NFIL3: variants seen among roughly 807,000 people sequenced by gnomAD.
The protein encoded by NFIL3 is nuclear factor interleukin-3-regulated protein.
A neutral mutation model predicts 10.0 loss-of-function variants in NFIL3; 5 were observed. The observed-to-expected ratio is 0.50, with a 90% CI of 0.26 to 1.06. The LOEUF (loss-of-function observed/expected upper bound fraction) is 1.06. Among genes scored for constraint, NFIL3 ranks in the 50% least tolerant of loss-of-function variants. The pLI, the probability that NFIL3 is intolerant of heterozygous loss-of-function variation, is 0.13. For missense variants in NFIL3, 436 were observed against 547.6 expected, an observed-to-expected ratio of 0.80 and a Z score of 2.03; for synonymous variants, 202 against 206.5, an observed-to-expected ratio of 0.98 and a Z score of 0.19.
At chr9:91,452,787 CAAA>C in the NFIL3 span, among the ~76,000 whole-genome samples, 1 of 59,874 alleles carries the variant, frequency 1.7e-5, no homozygotes. Context: ...AACTCTGTCT[CAAA>C]AAAAAAAAAA....
the NFIL3 span, among the ~76,000 whole-genome samples, chr9:91,453,753 A>C: frequency 6.6e-6 from 1 of 152,126 alleles, no homozygotes; most frequent in Non-Finnish European, 1.5e-5. Flanking sequence ...TCTAATTATG[A>C]AAACTGATAG....
upstream of NFIL3, among the ~76,000 whole-genome samples, chr9:91,424,179 C>T (rs988263316): frequency 6.6e-6 from 1 of 152,050 alleles, no homozygotes; most frequent in South Asian, 2.1e-4. Flanking sequence ...CCGGGAGCCC[C>T]CCGTCCCACC....
chr9:91,421,286 C>G (rs1833760948), intron 1 of NFIL3, among the ~76,000 whole-genome samples: 1 of 151,756 alleles, frequency 6.6e-6, no homozygotes, highest in Non-Finnish European at 1.5e-5. Flanking sequence ...CCGGGCGAAC[C>G]CAGAGCGCAC....
chr9:91,467,428 G>C, the NFIL3 span, among the ~76,000 whole-genome samples: 1 of 151,900 alleles, frequency 6.6e-6, no homozygotes, highest in Non-Finnish European at 1.5e-5. Context: ...GTTCATTGTT[G>C]GTATATAAGA....
the NFIL3 span, among the ~76,000 whole-genome samples, chr9:91,433,557 A>G: frequency 1.3e-5 from 2 of 152,176 alleles, no homozygotes; most frequent in African/African-American, 4.8e-5. Context: ...AGGTGCCCCT[A>G]TTTTCCTTTT....
chr9:91,463,646 C>T, the NFIL3 span, among the ~76,000 whole-genome samples: 9 of 152,034 alleles, frequency 5.9e-5, no homozygotes, highest in African/African-American at 1.9e-4. Context: ...TGCTGTTGGG[C>T]GAAGACTTTT....
chr9:91,428,564 G>A (rs1169350147), upstream of NFIL3, among the ~76,000 whole-genome samples: 3 of 152,190 alleles, frequency 2.0e-5, no homozygotes, highest in Admixed American at 1.3e-4. Flanking sequence ...CTGTAGAAGC[G>A]ATGGCTTTAA....
At chr9:91,452,200 T>C in the NFIL3 span, among the ~76,000 whole-genome samples, 2 of 152,244 alleles carry the variant, frequency 1.3e-5, no homozygotes, top group Non-Finnish European at 2.9e-5. Flanking sequence ...ACCAAAACAA[T>C]ATTTAAAATC....
At chr9:91,418,428 G>A (rs540108873) in intron 1 of NFIL3, among the ~76,000 whole-genome samples, 1 of 152,308 alleles carries the variant, frequency 6.6e-6, no homozygotes, top group East Asian at 1.9e-4. Flanking sequence ...GTGTAATGAT[G>A]GCAAAAATGG....
intron 1 of NFIL3, among the ~76,000 whole-genome samples, chr9:91,414,523 T>G (rs765124427): frequency 2.0e-5 from 3 of 152,198 alleles, no homozygotes; most frequent in Non-Finnish European, 2.9e-5. Context: ...CCTCCCAAAG[T>G]GCTGGGATTA....
At chr9:91,417,701 G>A (rs956668997) in intron 1 of NFIL3, among the ~76,000 whole-genome samples, 1 of 152,106 alleles carries the variant, frequency 6.6e-6, no homozygotes, top group African/African-American at 2.4e-5. Flanking sequence ...TTTAAGCTGA[G>A]AAAACTATGT....
chr9:91,472,124 G>A, the NFIL3 span, among the ~76,000 whole-genome samples: 1 of 152,170 alleles, frequency 6.6e-6, no homozygotes, highest in South Asian at 2.1e-4. Flanking sequence ...TTTCTCTCTG[G>A]CTGCCCTTAA....
chr9:91,465,698 A>G, the NFIL3 span, among the ~76,000 whole-genome samples: 4 of 151,638 alleles, frequency 2.6e-5, no homozygotes, highest in Admixed American at 6.6e-5. Flanking sequence ...TTGACGTGCT[A>G]TATTGGTTAA....
At chr9:91,429,625 C>A in the NFIL3 span, among the ~76,000 whole-genome samples, 1 of 151,510 alleles carries the variant, frequency 6.6e-6, no homozygotes, top group Non-Finnish European at 1.5e-5. Flanking sequence ...CTTAAGAAGT[C>A]CGGAAATTGG....
the NFIL3 span, among the ~76,000 whole-genome samples, chr9:91,471,578 AT>A: frequency 2.7e-5 from 4 of 150,480 alleles, no homozygotes; most frequent in Admixed American, 2.0e-4. Context: ...TTTGTTACAT[AT>A]GTATACATGT....
chr9:91,456,776 T>A, the NFIL3 span, among the ~76,000 whole-genome samples: 23 of 152,276 alleles, frequency 1.5e-4, no homozygotes, highest in African/African-American at 5.5e-4. Flanking sequence ...GCCTATCACA[T>A]GATGACAAGG....
chr9:91,465,811 C>T, the NFIL3 span, among the ~76,000 whole-genome samples: 1 of 152,146 alleles, frequency 6.6e-6, no homozygotes, highest in South Asian at 2.1e-4. Flanking sequence ...GCTATAGGTG[C>T]CAGAGGATTA....
chr9:91,431,123 G>A, the NFIL3 span, among the ~76,000 whole-genome samples: 1 of 152,182 alleles, frequency 6.6e-6, no homozygotes, highest in Non-Finnish European at 1.5e-5. Flanking sequence ...TGTAGACCAG[G>A]CCCAGGCCTA....
chr9:91,414,431 A>G (rs866483679), intron 1 of NFIL3, among the ~76,000 whole-genome samples: 1 of 152,126 alleles, frequency 6.6e-6, no homozygotes, highest in Non-Finnish European at 1.5e-5. Flanking sequence ...TTTAGTAGAG[A>G]TGGGGAAACT....
Sources: gnomAD v4.1 joint callset for allele counts (sites outside exome capture counted in the v4.1 genomes callset) on GRCh38, gnomAD v4.1.1 for gene constraint, MANE v1.5 for transcripts, NCBI Gene and HGNC (gene_info 2026-07-23, HGNC 2026-07-21) for gene names.